The following CYP7B1 variants were observed in gnomAD, a reference collection of about 807,000 sequenced individuals.
CYP7B1 encodes the protein cytochrome P450 7B1.
A neutral mutation model predicts 42.7 loss-of-function variants in CYP7B1; 29 were observed. That is an observed-to-expected ratio of 0.68 (90% CI 0.51 to 0.93). The LOEUF (loss-of-function observed/expected upper bound fraction) is 0.93. Among genes scored for constraint, CYP7B1 ranks in the 40% least tolerant of loss-of-function variants. The pLI is 0.00. For missense variants in CYP7B1, 655 were observed against 600.5 expected, an observed-to-expected ratio of 1.09 and a Z score of -0.95; for synonymous variants, 235 against 218.2, an observed-to-expected ratio of 1.08 and a Z score of -0.68.
At chr8:64,774,437 G>A (rs145460959) in intron 1 of CYP7B1, among the ~76,000 whole-genome samples, 1 of 152,250 alleles carries the variant, frequency 6.6e-6, no homozygotes, top group Admixed American at 6.5e-5. Flanking sequence ...TTTTGCCTTA[G>A]TGATTGTTGG....
At chr8:64,792,439 A>G (rs763245964) in intron 1 of CYP7B1, among the ~76,000 whole-genome samples, 5 of 152,202 alleles carry the variant, frequency 3.3e-5, no homozygotes, top group Non-Finnish European at 7.3e-5. Flanking sequence ...AGCTAAGGGC[A>G]TAGCTGGACA....
intron 1 of CYP7B1, among the ~76,000 whole-genome samples, chr8:64,630,163 G>C (rs1251113085): frequency 6.6e-6 from 1 of 151,644 alleles, no homozygotes; most frequent in African/African-American, 2.4e-5. Flanking sequence ...TGGGGGGAAA[G>C]AGTCTTACAT....
intron 1 of CYP7B1, among the ~76,000 whole-genome samples, chr8:64,679,143 G>A (rs1806497079): frequency 6.6e-6 from 1 of 152,104 alleles, no homozygotes; most frequent in Non-Finnish European, 1.5e-5. Flanking sequence ...CAGACAGCAT[G>A]CTAGCTTGAT....
intron 1 of CYP7B1, among the ~76,000 whole-genome samples, chr8:64,755,757 A>G (rs1171168608): frequency 1.3e-5 from 2 of 152,212 alleles, no homozygotes; most frequent in Non-Finnish European, 2.9e-5. Context: ...AAATTTCCAC[A>G]TATTTCTCAT....
chr8:64,681,440 CTG>C (rs1206658811), intron 1 of CYP7B1, among the ~76,000 whole-genome samples: 3 of 152,186 alleles, frequency 2.0e-5, no homozygotes, highest in African/African-American at 7.2e-5. Context: ...TATTCACACC[CTG>C]TGCAGTTTTC....
At chr8:64,786,790 C>A (rs1460767378) in intron 1 of CYP7B1, among the ~76,000 whole-genome samples, 1 of 152,228 alleles carries the variant, frequency 6.6e-6, no homozygotes, top group Non-Finnish European at 1.5e-5. Context: ...AAAGGTTCTC[C>A]ATGAGGGCTC....
intron 4 of CYP7B1, among the ~76,000 whole-genome samples, chr8:64,608,855 T>C (rs1453572933): frequency 1.3e-5 from 2 of 152,180 alleles, no homozygotes; most frequent in Non-Finnish European, 2.9e-5. Context: ...TTAAGTAAAG[T>C]TAAAAATAAA....
chr8:64,607,160 T>C (rs1805294760), intron 4 of CYP7B1, among the ~76,000 whole-genome samples: 2 of 152,080 alleles, frequency 1.3e-5, no homozygotes, highest in Admixed American at 1.3e-4. Flanking sequence ...AAGCAACAAA[T>C]GAACATGACC....
intron 1 of CYP7B1, among the ~76,000 whole-genome samples, chr8:64,688,061 A>G (rs1214304315): frequency 1.3e-5 from 2 of 152,186 alleles, no homozygotes; most frequent in African/African-American, 2.4e-5. Flanking sequence ...ACCCTCAACC[A>G]TTGCTCCCTC....
intron 1 of CYP7B1, among the ~76,000 whole-genome samples, chr8:64,663,810 C>T (rs1437428370): frequency 6.6e-6 from 1 of 152,186 alleles, no homozygotes; most frequent in African/African-American, 2.4e-5. Context: ...TTTCTGTCCA[C>T]TCTCATCTGG....
chr8:64,715,666 T>C (rs1807144324), intron 1 of CYP7B1, among the ~76,000 whole-genome samples: 2 of 138,134 alleles, frequency 1.4e-5, no homozygotes, highest in Admixed American at 1.4e-4. Flanking sequence ...AGAGGGAAAA[T>C]GGGAAAATGT....
downstream of CYP7B1, among the ~76,000 whole-genome samples, chr8:64,588,636 A>G (rs932437648): frequency 6.6e-6 from 1 of 152,226 alleles, no homozygotes; most frequent in Non-Finnish European, 1.5e-5. Flanking sequence ...CTTTTTGAAA[A>G]GAGATAAACA....
At chr8:64,665,721 CA>C (rs1462430977) in intron 1 of CYP7B1, among the ~76,000 whole-genome samples, 2 of 151,752 alleles carry the variant, frequency 1.3e-5, no homozygotes, top group Non-Finnish European at 2.9e-5. Context: ...GGATTACAGG[CA>C]TGTGCCACCA....
In CYP7B1 at chr8:64,593,605, A is replaced by G. The variant is rs916562591; in HGVS notation, c.*3037T>C. On this transcript the variant is annotated 3_prime_UTR_variant, in exon 6 of 6. Coordinates refer to ENST00000310193, the MANE Select transcript of CYP7B1 (RefSeq NM_004820.5). ...GTAGTATCAGCAGTCTGAAAAATGCAAATACAAATTCTCTCTTGAGGAATG... is the reference window on the plus strand; with the variant it reads ...GTAGTATCAGCAGTCTGAAAAATGCGAATACAAATTCTCTCTTGAGGAATG... 6.6e-6 allele frequency among the ~76,000 whole-genome samples: 1 copy of G among 152,276 alleles called. No individual in the cohort carries two copies. The highest frequency in any genetic ancestry group is 1.9e-4 in the East Asian group (1 of 5,158).
intron 2 of CYP7B1, among the ~76,000 whole-genome samples, chr8:64,619,802 A>G (rs1344179118): frequency 6.6e-6 from 1 of 152,156 alleles, no homozygotes; most frequent in Admixed American, 6.5e-5. Context: ...GTCAAACAAA[A>G]AGTTTTGACA....
At position 64,596,711 on chromosome 8, in the gene CYP7B1, G is replaced by A. The variant is rs115819669; in HGVS notation, c.1452C>T (p.Tyr484=). The A allele has an allele frequency of 5.6e-6, 9 of 1,613,704 alleles. No individual in the cohort carries two copies. In the East Asian group the frequency reaches 1.1e-4, roughly 20 times the overall value. The change falls in exon 6 of 6, where the codon TAC becomes TAT. Residue 484 remains tyrosine, a synonymous_variant. Coordinates refer to ENST00000310193, the MANE Select transcript of CYP7B1 (RefSeq NM_004820.5). The part of the protein sequence containing the change: ...IIDDKPIGLN[Y]SRLLFGIQYP... ...ACTGAATACCAAACAACAAGCGGCTGTAGTTTAGTCCTATGGGCTTATCAT... is the reference window on the plus strand; with the variant it reads ...ACTGAATACCAAACAACAAGCGGCTATAGTTTAGTCCTATGGGCTTATCAT...
intron 2 of CYP7B1, among the ~76,000 whole-genome samples, chr8:64,621,685 A>G (rs1805531743): frequency 6.6e-6 from 1 of 151,354 alleles, no homozygotes. Context: ...TTCCTCTAAG[A>G]TGCATGATTT....
In CYP7B1 at chr8:64,798,655, C is replaced by T. The variant is rs1804753482; in HGVS notation, c.-68G>A. Reference sequence around the variant, plus strand: ...GCGAACAGCGCGGTCGGCGACTCTGCAGCCTGCGGCGGCTTCTCTCGGCGG... The same window carrying T: ...GCGAACAGCGCGGTCGGCGACTCTGTAGCCTGCGGCGGCTTCTCTCGGCGG... On this transcript the variant is annotated 5_prime_UTR_variant, in exon 1 of 6. Transcript: ENST00000310193. The T allele has an allele frequency of 7.8e-6, 11 of 1,418,322 alleles. No homozygotes were observed. Among genetic ancestry groups the T allele is most frequent in the Non-Finnish European group, 3.7e-6 (4 of 1,093,804 alleles). The allele number at this position is 1,418,322 out of a possible 1,614,324, so 87.9% of individuals were successfully genotyped here. A position where few individuals can be genotyped will look rare whatever the true frequency, so the allele number is the denominator to read the frequency against.
At chr8:64,683,200 CAATAGATGAATGA>C (rs1806566038) in intron 1 of CYP7B1, among the ~76,000 whole-genome samples, 1 of 152,132 alleles carries the variant, frequency 6.6e-6, no homozygotes, top group Non-Finnish European at 1.5e-5. Flanking sequence ...GAGTGCCCAT[CAATAGATGAATGA>C]ATATAGAATA....
Sources: allele counts gnomAD v4.1 joint callset (sites outside exome capture counted in the v4.1 genomes callset), GRCh38; gene constraint gnomAD v4.1.1; transcripts MANE v1.5; gene names NCBI Gene and HGNC (gene_info 2026-07-23, HGNC 2026-07-21).